ITGA9: variants seen among roughly 807,000 people sequenced by gnomAD.
ITGA9 encodes the protein integrin subunit alpha 9, also known as integrin alpha-9.
ITGA9 carries 56 observed loss-of-function variants against 127.8 expected under a neutral mutation model. That is an observed-to-expected ratio of 0.44 (90% CI 0.35 to 0.55). The LOEUF (loss-of-function observed/expected upper bound fraction) is 0.55, where lower values mean the gene tolerates loss of function less well. Ranked by LOEUF, ITGA9 falls within the 20% of genes least tolerant of loss-of-function variation. The pLI, the probability that ITGA9 is intolerant of heterozygous loss-of-function variation, is 0.00. For missense variants in ITGA9, 1,196 were observed against 1,347.1 expected (o/e 0.89, Z 1.76); for synonymous variants, 508 against 514.5 (o/e 0.99, Z 0.17).
At chr3:37,568,490 G>A (rs1285149202) in intron 15 of ITGA9, among the ~76,000 whole-genome samples, 1 of 152,172 alleles carries the variant, frequency 6.6e-6, no homozygotes, top group Non-Finnish European at 1.5e-5. Flanking sequence ...CTCAGAAAAT[G>A]GATTTTTCTT....
intron 15 of ITGA9, among the ~76,000 whole-genome samples, chr3:37,582,558 G>C (rs1454803227): frequency 6.6e-6 from 1 of 152,232 alleles, no homozygotes; most frequent in African/African-American, 2.4e-5. Flanking sequence ...AGTAGTGACT[G>C]CCTAGGTGGC....
intron 3 of ITGA9, among the ~76,000 whole-genome samples, chr3:37,473,816 A>C (rs539800161): frequency 9.8e-5 from 15 of 152,296 alleles, no homozygotes; most frequent in Non-Finnish European, 1.5e-5. Flanking sequence ...CACCTGTGTA[A>C]CCATATGCCC....
intron 26 of ITGA9, among the ~76,000 whole-genome samples, chr3:37,802,333 T>C (rs1697245487): frequency 3.9e-5 from 6 of 152,198 alleles, no homozygotes; most frequent in Admixed American, 3.9e-4. Flanking sequence ...AACATCAGTA[T>C]TGTGCCCAGT....
intron 18 of ITGA9, among the ~76,000 whole-genome samples, chr3:37,727,576 A>G (rs1213852935): frequency 6.6e-6 from 1 of 152,198 alleles, no homozygotes; most frequent in Non-Finnish European, 1.5e-5. Context: ...CCAAAGGCAA[A>G]AGATTATTTG....
intron 1 of ITGA9, among the ~76,000 whole-genome samples, chr3:37,462,507 A>G (rs1229737049): frequency 6.6e-6 from 1 of 152,202 alleles, no homozygotes; most frequent in Non-Finnish European, 1.5e-5. Flanking sequence ...AGCACAGAGA[A>G]GCCAAGTCAC....
chr3:37,623,162 T>C (rs929211541), intron 15 of ITGA9, among the ~76,000 whole-genome samples: 1 of 126,990 alleles, frequency 7.9e-6, no homozygotes, highest in Non-Finnish European at 1.7e-5. Flanking sequence ...TCCAGTAAAA[T>C]ATGTCAGCAC....
intron 26 of ITGA9, among the ~76,000 whole-genome samples, chr3:37,800,306 A>G (rs573318771): frequency 1.3e-5 from 2 of 152,238 alleles, no homozygotes; most frequent in African/African-American, 2.4e-5. Flanking sequence ...TTCATAGTCA[A>G]CAATAAGGTT....
chr3:37,777,336 GCATCATGATTCA>G, intron 23 of ITGA9, 44 bp from the exon 24 acceptor site: 1 of 1,603,468 alleles, frequency 6.2e-7, no homozygotes, highest in Non-Finnish European at 8.5e-7. Context: ...AGAGGCTCCA[GCATCATGATTCA>G]TTCTTGAGAA....
intron 27 of ITGA9, chr3:37,818,251 C>CTTTTTTTTTT (rs1165189273): frequency 6.0e-4 from 34 of 57,024 alleles, no homozygotes; most frequent in African/African-American, 2.0e-3. Flanking sequence ...ACCATGAAAC[C>CTTTTTTTTTT]TTTTTTTTTT....
chr3:37,784,876 G>A, intron 25 of ITGA9, 101 bp from the exon 26 acceptor site: 1 of 999,282 alleles, frequency 1.0e-6, no homozygotes, highest in Non-Finnish European at 1.6e-6. Context: ...TTTTGTCTGG[G>A]CTACATGGAA....
At chr3:37,565,731 A>AG (rs922592748) in intron 15 of ITGA9, among the ~76,000 whole-genome samples, 49 of 152,294 alleles carry the variant, frequency 3.2e-4, no homozygotes, top group African/African-American at 1.2e-3. Context: ...ATAGATTGCT[A>AG]GGCTCACTCC....
At chr3:37,787,316 T>A (rs1461280941) in intron 26 of ITGA9, among the ~76,000 whole-genome samples, 1 of 152,178 alleles carries the variant, frequency 6.6e-6, no homozygotes, top group Non-Finnish European at 1.5e-5. Flanking sequence ...GCATATTGCC[T>A]TCCATTATAG....
At chr3:37,473,099 ACTGCACTCCAGC>A (rs1300089548) in intron 2 of ITGA9, among the ~76,000 whole-genome samples, 1 of 136,028 alleles carries the variant, frequency 7.4e-6, no homozygotes, top group Non-Finnish European at 1.5e-5. Flanking sequence ...AGATCGTGCC[ACTGCACTCCAGC>A]CTGGACGACA....
At chr3:37,734,459 C>G (rs979803248) in intron 19 of ITGA9, among the ~76,000 whole-genome samples, 1 of 152,168 alleles carries the variant, frequency 6.6e-6, no homozygotes, top group African/African-American at 2.4e-5. Flanking sequence ...TAAGATGTGT[C>G]TTTCTCTCTC....
intron 17 of ITGA9, among the ~76,000 whole-genome samples, chr3:37,666,175 C>T (rs1575185570): frequency 6.6e-6 from 1 of 152,106 alleles, no homozygotes. Flanking sequence ...GGGAGTTCCC[C>T]GGAAGCACAA....
chr3:37,550,158 G>A (rs775603654), intron 15 of ITGA9, among the ~76,000 whole-genome samples: 13 of 152,132 alleles, frequency 8.5e-5, no homozygotes, highest in East Asian at 1.9e-4. Context: ...ATTTAAACCC[G>A]CAAGTCTGGC....
intron 15 of ITGA9, among the ~76,000 whole-genome samples, chr3:37,625,855 CCCTCCTCTG>C (rs1700171521): frequency 6.6e-6 from 1 of 152,188 alleles, no homozygotes; most frequent in South Asian, 2.1e-4. Flanking sequence ...AATTGCTGCA[CCCTCCTCTG>C]CCTCCACCCA....
chr3:37,593,268 A>G (rs542325348), intron 15 of ITGA9, among the ~76,000 whole-genome samples: 3 of 152,232 alleles, frequency 2.0e-5, no homozygotes, highest in African/African-American at 4.8e-5. Flanking sequence ...TGTCAATGCT[A>G]TGTAAATAGT....
At chr3:37,607,085 G>T (rs1263088297) in intron 15 of ITGA9, among the ~76,000 whole-genome samples, 1 of 151,208 alleles carries the variant, frequency 6.6e-6, no homozygotes, top group Non-Finnish European at 1.5e-5. Flanking sequence ...AGGTCTCAAG[G>T]GATCCTCCTG....
Sources: gnomAD v4.1 joint callset for allele counts (sites outside exome capture counted in the v4.1 genomes callset) on GRCh38, gnomAD v4.1.1 for gene constraint, MANE v1.5 for transcripts, NCBI Gene and HGNC (gene_info 2026-07-23, HGNC 2026-07-21) for gene names.